The following FRK variants were observed in gnomAD, a reference collection of about 807,000 sequenced individuals.
The protein encoded by FRK is tyrosine-protein kinase FRK.
In FRK, 51 loss-of-function variants were observed where a neutral mutation model predicts 56.4. The observed-to-expected ratio is 0.90, with a 90% CI of 0.72 to 1.14. The LOEUF is 1.14. FRK is among the 50% of genes most tolerant of loss of function. The probability of loss-of-function intolerance (pLI) is 0.00; values close to 1 mark genes in which losing one functional copy is unlikely to be tolerated. For missense variants in FRK, 570 were observed against 601.4 expected (o/e 0.95, Z 0.55); for synonymous variants, 245 against 217.9 (o/e 1.12, Z -1.10).
chr6:116,099,797 T>C, the FRK span, among the ~76,000 whole-genome samples: 1 of 152,260 alleles, frequency 6.6e-6, no homozygotes, highest in Admixed American at 6.5e-5. Context: ...ATATTTTCAT[T>C]ATGTCACGAC....
At chr6:115,958,768 A>C (rs784019) in intron 4 of FRK, among the ~76,000 whole-genome samples, 1 of 80,700 alleles carries the variant, frequency 1.2e-5, no homozygotes, top group East Asian at 3.7e-4. Flanking sequence ...AGAAAGAAAG[A>C]GGGGGGGGAA....
rs746247007 is a variant in FRK at position 116,060,085 on chromosome 6, T to G, written c.227A>C (p.His76Pro). 2 of 1,614,170 alleles carry G rather than the reference T, an allele frequency of 1.2e-6. No individual in the cohort carries two copies. The highest frequency in any genetic ancestry group is 4.5e-5 in the East Asian group (2 of 44,878). Residue 76 changes from histidine to proline, a missense_variant, in exon 1 of 8, where the codon CAT becomes CCT. By Grantham distance (77) the His-to-Pro change is moderately conservative. Transcript: ENST00000606080. ...GTGTCTGGCAAACCACCAGCCCTCA[T>G]GCAAAGTGTCCAGAACTTGAAGTTT... is the stretch of plus-strand genomic sequence containing the variant. ...GDKLQVLDTL[H>P]EGWWFARHLE...
intron 2 of FRK, among the ~76,000 whole-genome samples, chr6:116,000,223 CTTTTTTTTTTTTTTTTTTTTTTTTT>C (rs561273499): frequency 1.9e-5 from 1 of 53,120 alleles, no homozygotes; most frequent in Admixed American, 2.1e-4. Flanking sequence ...ATCATTCTTT[CTTTTTTTTTTTTTTTTTTTTTTTTT>C]TTTTTTTTTT....
the FRK span, among the ~76,000 whole-genome samples, chr6:116,069,936 C>T: frequency 6.6e-6 from 1 of 151,998 alleles, no homozygotes; most frequent in Admixed American, 6.6e-5. Context: ...ATCTTAGGAC[C>T]ACAGTTTGTG....
At chr6:116,081,434 A>G in the FRK span, among the ~76,000 whole-genome samples, 1 of 152,170 alleles carries the variant, frequency 6.6e-6, no homozygotes, top group Non-Finnish European at 1.5e-5. Flanking sequence ...AGGTGGGCGG[A>G]TCACCTGAGG....
the FRK span, among the ~76,000 whole-genome samples, chr6:116,090,146 CATGATA>C: frequency 1.3e-5 from 2 of 152,124 alleles, no homozygotes; most frequent in African/African-American, 4.8e-5. Flanking sequence ...GGATGAAGAG[CATGATA>C]ATGAGTCGTG....
chr6:116,058,783 C>A (rs1241029499), intron 1 of FRK, among the ~76,000 whole-genome samples: 1 of 151,852 alleles, frequency 6.6e-6, no homozygotes, highest in African/African-American at 2.4e-5. Context: ...TGGTGGCAGG[C>A]GCCTGTAGTC....
intron 1 of FRK, 62 bp downstream of exon 1, chr6:116,059,906 G>A: frequency 7.2e-7 from 1 of 1,391,352 alleles, no homozygotes; most frequent in East Asian, 2.3e-5. Context: ...GAAGTAGAAA[G>A]GAAAACTCAT....
chr6:116,016,014 G>T (rs1472612951), intron 1 of FRK, among the ~76,000 whole-genome samples: 1 of 152,176 alleles, frequency 6.6e-6, no homozygotes, highest in Non-Finnish European at 1.5e-5. Flanking sequence ...ATTTTCTGGG[G>T]AGCAATTCAA....
intron 4 of FRK, among the ~76,000 whole-genome samples, chr6:115,966,441 A>T (rs915173841): frequency 6.6e-6 from 1 of 152,236 alleles, no homozygotes; most frequent in South Asian, 2.1e-4. Context: ...GTTGACTTCA[A>T]AACTTTTAAG....
intron 1 of FRK, among the ~76,000 whole-genome samples, chr6:116,011,206 G>T (rs895356562): frequency 1.6e-4 from 24 of 152,068 alleles, no homozygotes; most frequent in African/African-American, 5.6e-4. Context: ...CTCAATTAAG[G>T]TTTTGTCATT....
intron 7 of FRK, 37 bp downstream of exon 7, chr6:115,942,983 T>C: frequency 6.3e-7 from 1 of 1,587,670 alleles, no homozygotes; most frequent in Non-Finnish European, 8.6e-7. Flanking sequence ...GTAAGTGACA[T>C]GCAGCAGAAA....
At chr6:116,003,325 A>T (rs554465979) in intron 2 of FRK, among the ~76,000 whole-genome samples, 1 of 152,366 alleles carries the variant, frequency 6.6e-6, no homozygotes, top group African/African-American at 2.4e-5. Context: ...AGGTACCTGT[A>T]ACTACTGAGT....
At chr6:116,017,113 C>T (rs562563486) in intron 1 of FRK, among the ~76,000 whole-genome samples, 3 of 152,184 alleles carry the variant, frequency 2.0e-5, no homozygotes, top group Non-Finnish European at 4.4e-5. Flanking sequence ...TACAAGCTTA[C>T]TCCTCAGAAC....
chr6:115,970,510 T>A (rs1773764531), intron 2 of FRK, among the ~76,000 whole-genome samples: 1 of 152,244 alleles, frequency 6.6e-6, no homozygotes, highest in African/African-American at 2.4e-5. Flanking sequence ...AATTGTCATC[T>A]AGTGGAATGC....
chr6:116,068,321 C>T, the FRK span, among the ~76,000 whole-genome samples: 1 of 151,402 alleles, frequency 6.6e-6, no homozygotes, highest in African/African-American at 2.4e-5. Flanking sequence ...GAAGACCAGA[C>T]ATATGTGAGT....
At chr6:115,984,005 T>C (rs1181150234) in intron 2 of FRK, among the ~76,000 whole-genome samples, 1 of 152,124 alleles carries the variant, frequency 6.6e-6, no homozygotes, top group Non-Finnish European at 1.5e-5. Flanking sequence ...TCTGTGCATT[T>C]TCACAAACTG....
intron 1 of FRK, among the ~76,000 whole-genome samples, chr6:116,054,477 A>T (rs1390679263): frequency 1.4e-5 from 2 of 143,232 alleles, no homozygotes; most frequent in African/African-American, 5.1e-5. Context: ...TAATATATAT[A>T]ATATATAATA....
intron 7 of FRK, 146 bp downstream of exon 7, chr6:115,942,874 A>G (rs939641423): frequency 3.7e-6 from 3 of 811,998 alleles, no homozygotes; most frequent in East Asian, 2.7e-5. Flanking sequence ...GCAAATTATC[A>G]TCATCAAATT....
Sources: gnomAD v4.1 joint callset for allele counts (sites outside exome capture counted in the v4.1 genomes callset) on GRCh38, gnomAD v4.1.1 for gene constraint, MANE v1.5 for transcripts, NCBI Gene and HGNC (gene_info 2026-07-23, HGNC 2026-07-21) for gene names.